The following ATP10B variants were observed in gnomAD, a reference collection of about 807,000 sequenced individuals.
ATP10B encodes the protein phospholipid-transporting ATPase VB.
A neutral mutation model predicts 141.2 loss-of-function variants in ATP10B; 122 were observed. The ratio of observed to expected loss-of-function variants is 0.86; its 90% confidence interval spans 0.75 to 1.00. The LOEUF (loss-of-function observed/expected upper bound fraction) is 1.00, where lower values mean the gene tolerates loss of function less well. Among genes scored for constraint, ATP10B ranks in the 50% least tolerant of loss-of-function variants. The pLI is 0.00. For missense variants in ATP10B, 1,876 were observed against 1,825.3 expected (o/e 1.03, Z -0.51); for synonymous variants, 685 against 692.0 (o/e 0.99, Z 0.16).
chr5:160,566,059 CAACAACAAAAAT>C (rs1754519859), intron 25 of ATP10B, among the ~76,000 whole-genome samples, 159 bp from the exon 26 acceptor site: 1 of 152,150 alleles, frequency 6.6e-6, no homozygotes, highest in South Asian at 2.1e-4. Flanking sequence ...TTGGGTAGCT[CAACAACAAAAAT>C]AACAACAAAA....
intron 2 of ATP10B, among the ~76,000 whole-genome samples, chr5:160,783,446 C>T (rs1257238571): frequency 5.0e-5 from 6 of 120,580 alleles, no homozygotes; most frequent in African/African-American, 1.9e-4. Context: ...ATATCCATCA[C>T]ATATATATAT....
rs577626913 is a variant in ATP10B at position 160,620,793 on chromosome 5, G to A, written c.1970C>T (p.Thr657Ile). The change falls in exon 15 of 26, where the codon ACC becomes ATC. Residue 657 changes from threonine (T) to isoleucine (I), a missense_variant. Coordinates refer to ENST00000327245, the MANE Select transcript of ATP10B (RefSeq NM_025153.3). The part of the protein sequence containing the change: ...LGESLGANVA[T>I]TDSDERDDAS... ...ATCATCTCTCTCATCCGAGTCTGTG[G>A]TGGCCACGTTGGCCCCTAAGCTCTC... 1.5e-4 allele frequency: 245 copies of A among 1,614,208 alleles called. No homozygotes were observed. The highest frequency in any genetic ancestry group is 1.9e-4 in the Non-Finnish European group (221 of 1,180,042).
chr5:160,576,596 C>T (rs1755204141), intron 24 of ATP10B, among the ~76,000 whole-genome samples: 1 of 152,138 alleles, frequency 6.6e-6, no homozygotes, highest in Admixed American at 6.6e-5. Context: ...ATGGGAGCCC[C>T]AAGGGGTTAC....
chr5:160,662,459 T>C (rs1762006890), intron 7 of ATP10B, among the ~76,000 whole-genome samples: 1 of 151,132 alleles, frequency 6.6e-6, no homozygotes, highest in Admixed American at 6.6e-5. Flanking sequence ...TATAGACCAA[T>C]GGAACAGAAC....
intron 3 of ATP10B, among the ~76,000 whole-genome samples, chr5:160,696,838 G>T (rs996835993): frequency 1.3e-5 from 2 of 152,192 alleles, no homozygotes; most frequent in African/African-American, 2.4e-5. Context: ...GGAATGATTT[G>T]CAGTAAAACA....
chr5:160,877,764 A>C, the ATP10B span, among the ~76,000 whole-genome samples: 1 of 118,264 alleles, frequency 8.5e-6, no homozygotes, highest in African/African-American at 2.6e-5. Context: ...GAGCCAAATC[A>C]TGAGTGAACT....
intron 2 of ATP10B, among the ~76,000 whole-genome samples, chr5:160,779,080 G>C (rs1374254084): frequency 1.3e-5 from 2 of 152,154 alleles, no homozygotes; most frequent in East Asian, 1.9e-4. Context: ...ATGTGTTCCT[G>C]TTATTAATGT....
chr5:160,688,146 G>A, intron 4 of ATP10B, 52 bp from the exon 5 acceptor site: 2 of 1,538,132 alleles, frequency 1.3e-6, no homozygotes, highest in Non-Finnish European at 1.8e-6. Flanking sequence ...GCAGCATGTT[G>A]GCCTGTTCAT....
At chr5:160,832,867 T>C (rs1208380841) in intron 1 of ATP10B, among the ~76,000 whole-genome samples, 1 of 152,242 alleles carries the variant, frequency 6.6e-6, no homozygotes, top group Non-Finnish European at 1.5e-5. Flanking sequence ...CCAATTTTTA[T>C]CAATCTTTTA....
intron 2 of ATP10B, among the ~76,000 whole-genome samples, chr5:160,737,107 C>G: frequency 6.6e-6 from 1 of 152,084 alleles, no homozygotes; most frequent in Admixed American, 6.5e-5. Flanking sequence ...GTCAACAACA[C>G]AAATCAATCG....
At chr5:160,916,624 A>C in the ATP10B span, among the ~76,000 whole-genome samples, 5 of 152,254 alleles carry the variant, frequency 3.3e-5, no homozygotes, top group Non-Finnish European at 7.4e-5. Flanking sequence ...CTTTATCTCC[A>C]TTTTAGTGTT....
At chr5:160,705,069 C>A (rs1364892973) in intron 3 of ATP10B, among the ~76,000 whole-genome samples, 2 of 151,810 alleles carry the variant, frequency 1.3e-5, no homozygotes, top group Non-Finnish European at 2.9e-5. Context: ...CAGGCGCCCA[C>A]CACCACACCC....
In ATP10B at chr5:160,575,706, A is replaced by G. The variant is rs532279050; in HGVS notation, c.3751-6023T>C. Among the ~76,000 whole-genome samples the G allele has an allele frequency of 5.3e-5, 8 of 151,898 alleles. No homozygotes were observed. The East Asian group carries it at 1.2e-3, about 22-fold the overall frequency. ...AAGAAAACAATGGATTAAACAAATA[A>G]AAAAAAACCCCTAAATAGCCACAGT... On this transcript the variant is annotated intron_variant, in intron 24 of 25. Transcript: ENST00000327245.
the ATP10B span, among the ~76,000 whole-genome samples, chr5:160,881,550 C>T: frequency 1.1e-4 from 17 of 152,290 alleles, no homozygotes; most frequent in East Asian, 3.3e-3. Flanking sequence ...TGGTGGCTCA[C>T]ACCTGTAATC....
chr5:160,908,630 T>TA, the ATP10B span, among the ~76,000 whole-genome samples: 1 of 152,178 alleles, frequency 6.6e-6, no homozygotes, highest in African/African-American at 2.4e-5. Flanking sequence ...GAGGATCACT[T>TA]ACTCTGCCCT....
intron 2 of ATP10B, among the ~76,000 whole-genome samples, chr5:160,724,423 A>T (rs919838218): frequency 6.6e-6 from 1 of 152,084 alleles, no homozygotes; most frequent in Non-Finnish European, 1.5e-5. Flanking sequence ...GTACCTGGCC[A>T]CATCCTTAAA....
chr5:160,661,731 C>G (rs575162446), intron 7 of ATP10B, among the ~76,000 whole-genome samples: 108 of 152,294 alleles, frequency 7.1e-4, no homozygotes, highest in Admixed American at 2.9e-3. Context: ...CCTTTGAAAA[C>G]TAGCACAAGA....
intron 2 of ATP10B, among the ~76,000 whole-genome samples, chr5:160,724,512 A>G (rs1348403178): frequency 6.6e-6 from 1 of 152,190 alleles, no homozygotes; most frequent in Non-Finnish European, 1.5e-5. Context: ...GTAAAGTACC[A>G]TAACTATAAT....
chr5:160,618,342 G>A lies in ATP10B; in HGVS notation c.2417-369C>T, dbSNP rs112564896. 3.3e-3 allele frequency among the ~76,000 whole-genome samples: 498 copies of A among 152,322 alleles called. 5 individuals are homozygous for A. Among genetic ancestry groups the A allele is most frequent in the African/African-American group, 0.011 (466 of 41,568 alleles). On this transcript the variant is annotated intron_variant, in intron 15 of 25. Coordinates refer to ENST00000327245, the MANE Select transcript of ATP10B (RefSeq NM_025153.3). ...GCCCAGCTGAATCAGGGGACTAGAA[G>A]TTTGAATCTTTATTGTTACCTAAGG...
Sources: allele counts gnomAD v4.1 joint callset (sites outside exome capture counted in the v4.1 genomes callset), GRCh38; gene constraint gnomAD v4.1.1; transcripts MANE v1.5; gene names NCBI Gene and HGNC (gene_info 2026-07-23, HGNC 2026-07-21).